ZNF462: variants seen among roughly 807,000 people sequenced by gnomAD.
The protein encoded by ZNF462 is zinc finger PBX1-interacting protein.
A neutral mutation model predicts 201.9 loss-of-function variants in ZNF462; 10 were observed. That is an observed-to-expected ratio of 0.05 (90% CI 0.03 to 0.08). The LOEUF (loss-of-function observed/expected upper bound fraction) is 0.08. Ranked by LOEUF, ZNF462 falls within the 10% of genes least tolerant of loss-of-function variation. The pLI is 1.00. For synonymous variants in ZNF462, 1,227 were observed against 1,193.3 expected, an observed-to-expected ratio of 1.03 and a Z score of -0.58; for missense variants, 2,523 against 3,168.3, an observed-to-expected ratio of 0.80 and a Z score of 4.89.
At chr9:106,948,014 A>G (rs769006336) in intron 7 of ZNF462, among the ~76,000 whole-genome samples, 1 of 152,350 alleles carries the variant, frequency 6.6e-6, no homozygotes, top group Middle Eastern at 3.4e-3. Flanking sequence ...TTGAATGGCT[A>G]TAACTTTGGA....
intron 1 of ZNF462, among the ~76,000 whole-genome samples, chr9:106,892,746 A>G (rs939253667): frequency 6.6e-6 from 1 of 152,056 alleles, no homozygotes; most frequent in African/African-American, 2.4e-5. Context: ...TAGATGAATA[A>G]TATTTAGTCT....
chr9:106,891,923 G>C (rs2131060126), intron 1 of ZNF462, among the ~76,000 whole-genome samples: 1 of 152,320 alleles, frequency 6.6e-6, no homozygotes, highest in East Asian at 1.9e-4. Context: ...GCTTTAGAGA[G>C]AGAAATCTCA....
At chr9:106,946,986 TAAC>T (rs1205102608) in intron 7 of ZNF462, among the ~76,000 whole-genome samples, 3 of 152,090 alleles carry the variant, frequency 2.0e-5, no homozygotes, top group Non-Finnish European at 2.9e-5. Flanking sequence ...TAACCGTAAA[TAAC>T]AACCAACAGA....
At position 106,982,208 on chromosome 9, in the gene ZNF462, C is replaced by T. The variant is rs190213892; in HGVS notation, c.6833-1978C>T. Among the ~76,000 whole-genome samples the T allele has an allele frequency of 2.6e-3, 401 of 152,254 alleles. 7 individuals carry two copies. Among genetic ancestry groups the T allele is most frequent in the Admixed American group, 0.025 (375 of 15,284 alleles). Reference sequence around the variant, plus strand: ...TTAATGCCTGGCACTTTGCTTAGAGCAGTGATTCTCAGCTGAGGTCAATTT... The same window carrying T: ...TTAATGCCTGGCACTTTGCTTAGAGTAGTGATTCTCAGCTGAGGTCAATTT... On this transcript the variant is annotated intron_variant, in intron 9 of 12. Transcript: ENST00000277225.
In ZNF462 at chr9:106,886,773, C is replaced by T. The variant is rs1828338452; in HGVS notation, c.-31+23418C>T. ...GTGATCCATGCTTATTCCACTACAA[C>T]AGTGTTGGCAGATAGCTTCTATTTC... On this transcript the variant is annotated intron_variant, in intron 1 of 12. Coordinates refer to ENST00000277225, the MANE Select transcript of ZNF462 (RefSeq NM_021224.6). The surrounding 1 kb of genome is among the most constrained non-coding windows in gnomAD (Gnocchi z 4.6). 6.6e-6 allele frequency among the ~76,000 whole-genome samples: 1 copy of T among 152,162 alleles called. No individual in the cohort carries two copies. The highest frequency in any genetic ancestry group is 6.5e-5 in the Admixed American group (1 of 15,272).
chr9:106,918,210 A>T (rs1411938403), intron 1 of ZNF462, among the ~76,000 whole-genome samples: 3 of 152,196 alleles, frequency 2.0e-5, no homozygotes, highest in East Asian at 3.8e-4. Flanking sequence ...ACATGGAGAT[A>T]GTACCGATGT....
chr9:106,912,642 G>T (rs901140269), intron 1 of ZNF462, among the ~76,000 whole-genome samples: 8 of 152,128 alleles, frequency 5.3e-5, no homozygotes, highest in Non-Finnish European at 7.4e-5. Flanking sequence ...TTCAGAAAAT[G>T]CATGTGCCAG....
intron 9 of ZNF462, chr9:106,975,644 C>T (rs557430493): frequency 1.3e-5 from 2 of 152,400 alleles, no homozygotes; most frequent in East Asian, 3.9e-4. Context: ...GCTTCCGGTC[C>T]CCCAGCCCAT....
intron 1 of ZNF462, among the ~76,000 whole-genome samples, chr9:106,864,141 G>A (rs2130754905): frequency 7.0e-6 from 1 of 143,534 alleles, no homozygotes; most frequent in East Asian, 2.1e-4. Context: ...GCGGGGTCGG[G>A]ATGTGTCGGG....
intron 1 of ZNF462, among the ~76,000 whole-genome samples, chr9:106,918,940 C>T (rs1313078217): frequency 6.6e-6 from 1 of 152,180 alleles, no homozygotes; most frequent in Non-Finnish European, 1.5e-5. Flanking sequence ...AGTTTAGTGT[C>T]TTATAAATGA....
Position 107,012,732 on chromosome 9 carries a change from C to CTTT in ZNF462, c.*1704_*1705insTTT, listed in dbSNP as rs1829993725. 26 of 21,768 alleles carry CTTT rather than the reference C, an allele frequency of 1.2e-3. No individual in the cohort carries two copies. The highest frequency in any genetic ancestry group is 2.9e-3 in the Admixed American group (5 of 1,712). 1.3% of individuals were successfully genotyped at this position (21,768 alleles called of 1,614,324 possible). A position where few individuals can be genotyped will look rare whatever the true frequency, so the allele number is the denominator to read the frequency against. Reference sequence around the variant, plus strand: ...TCATGTTTTTTTTTTTTTTTTTTTACTTGGAAGGGTTGTGGGAGGGTGGGA... The same window carrying CTTT: ...TCATGTTTTTTTTTTTTTTTTTTTACTTTTTGGAAGGGTTGTGGGAGGGTGGGA... On this transcript the variant is annotated 3_prime_UTR_variant, in exon 13 of 13. Transcript: ENST00000277225.
chr9:106,922,384 C>A (rs548027613), intron 1 of ZNF462, among the ~76,000 whole-genome samples: 1 of 152,262 alleles, frequency 6.6e-6, no homozygotes, highest in East Asian at 1.9e-4. Context: ...CTGTATATTT[C>A]AGTCACAAAG....
rs753858731 is a variant in ZNF462 at position 106,954,100 on chromosome 9, A to G, written c.6427+14993A>G. ...AAGAGTTCAAATCATCCTCCTATTC[A>G]GAAGTCTTTAACAGCTCTGCATGGC... On this transcript the variant is annotated intron_variant, in intron 7 of 12. Transcript: ENST00000277225. This position sits in a 1 kb window ranked among gnomAD's most constrained non-coding sequence, Gnocchi z 4.0. 6.6e-6 allele frequency among the ~76,000 whole-genome samples: 1 copy of G among 152,156 alleles called. No individual in the cohort carries two copies. The highest frequency in any genetic ancestry group is 2.4e-5 in the African/African-American group (1 of 41,436).
In ZNF462 at chr9:106,981,263, A is replaced by AT. The variant is rs1280887509; in HGVS notation, c.6833-2922dup. ...TAGAAGGTGCTTGAAAGACATTCAGATATAAAGGGTTACCTTAGAAATCTG... is the reference window on the plus strand; with the variant it reads ...TAGAAGGTGCTTGAAAGACATTCAGATTATAAAGGGTTACCTTAGAAATCTG... On this transcript the variant is annotated intron_variant, in intron 9 of 12. Transcript: ENST00000277225. This position sits in a 1 kb window ranked among gnomAD's most constrained non-coding sequence, Gnocchi z 4.0. Among the ~76,000 whole-genome samples the AT allele has an allele frequency of 6.6e-6, 1 of 152,208 alleles. No individual in the cohort carries two copies. The highest frequency in any genetic ancestry group is 1.5e-5 in the Non-Finnish European group (1 of 68,038).
intron 10 of ZNF462, among the ~76,000 whole-genome samples, chr9:106,986,331 C>T (rs1827828639): frequency 6.6e-6 from 1 of 152,166 alleles, no homozygotes; most frequent in Admixed American, 6.5e-5. Flanking sequence ...AATCTTGTCT[C>T]CACCATTTAC....
rs540560249 is a variant in ZNF462, at chr9:106,875,858, T to C, written c.-31+12503T>C. Reference sequence around the variant, plus strand: ...CACCATGGCTGAACTTCAGAGCAACTAAGAACAACTAGGAACTCAGCTACT... The same window carrying C: ...CACCATGGCTGAACTTCAGAGCAACCAAGAACAACTAGGAACTCAGCTACT... On this transcript the variant is annotated intron_variant, in intron 1 of 12. Coordinates refer to ENST00000277225, the MANE Select transcript of ZNF462 (RefSeq NM_021224.6). Among the ~76,000 whole-genome samples, 9 of 152,318 alleles carry C rather than the reference T, an allele frequency of 5.9e-5. No individual in the cohort carries two copies. The South Asian group carries it at 1.9e-3, about 32-fold the overall frequency.
intron 7 of ZNF462, among the ~76,000 whole-genome samples, chr9:106,957,717 C>T (rs983972658): frequency 4.6e-5 from 7 of 152,018 alleles, no homozygotes; most frequent in African/African-American, 1.2e-4. Context: ...ATGTATTAAG[C>T]GTCTGAGTTG....
In ZNF462 at chr9:106,902,939, C is replaced by G. The variant is rs1480130564; in HGVS notation, c.-30-20415C>G. ...TGTTTGAATTTCATTTAGTTTTGCCCTGATCTTGGTTATTTCCTCCCTTCT... is the reference window on the plus strand; with the variant it reads ...TGTTTGAATTTCATTTAGTTTTGCCGTGATCTTGGTTATTTCCTCCCTTCT... On this transcript the variant is annotated intron_variant, in intron 1 of 12. Coordinates refer to ENST00000277225, the MANE Select transcript of ZNF462 (RefSeq NM_021224.6). This position sits in a 1 kb window ranked among gnomAD's most constrained non-coding sequence, Gnocchi z 4.2. Among the ~76,000 whole-genome samples the G allele has an allele frequency of 6.6e-6, 1 of 151,842 alleles. No homozygotes were observed. The highest frequency in any genetic ancestry group is 1.5e-5 in the Non-Finnish European group (1 of 67,944).
rs907186754 is a variant in ZNF462 at position 107,010,365 on chromosome 9, G to A, written c.7314-458G>A. ...AGGTTTTTGTTTTTAGTTTGTTTTC[G>A]TGATTTGTTTCGGGACCTGACAAAT... On this transcript the variant is annotated intron_variant, in intron 12 of 12. Transcript: ENST00000277225. The surrounding 1 kb of genome is among the most constrained non-coding windows in gnomAD (Gnocchi z 4.6). Among the ~76,000 whole-genome samples the A allele has an allele frequency of 2.0e-5, 3 of 151,988 alleles. No homozygotes were observed. Among genetic ancestry groups the A allele is most frequent in the Non-Finnish European group, 4.4e-5 (3 of 67,982 alleles).
Sources: allele counts gnomAD v4.1 joint callset (sites outside exome capture counted in the v4.1 genomes callset), GRCh38; gene constraint gnomAD v4.1.1; non-coding constraint Gnocchi (gnomAD v3.1); transcripts MANE v1.5; gene names NCBI Gene and HGNC (gene_info 2026-07-23, HGNC 2026-07-21).